The following FILIP1L variants were observed in gnomAD, a reference collection of about 807,000 sequenced individuals.
FILIP1L encodes the protein filamin A-interacting protein 1-like.
A neutral mutation model predicts 96.6 loss-of-function variants in FILIP1L; 55 were observed. The observed-to-expected ratio is 0.57, with a 90% CI of 0.46 to 0.71. The LOEUF (loss-of-function observed/expected upper bound fraction) is 0.71. FILIP1L is among the 30% of genes least tolerant of loss of function. The pLI, the probability that FILIP1L is intolerant of heterozygous loss-of-function variation, is 0.00. For synonymous variants in FILIP1L, 467 were observed against 473.9 expected, an observed-to-expected ratio of 0.99 and a Z score of 0.19; for missense variants, 1,304 against 1,321.2, an observed-to-expected ratio of 0.99 and a Z score of 0.20.
At chr3:100,090,748 C>T (rs144206994) in intron 1 of FILIP1L, among the ~76,000 whole-genome samples, 1 of 152,288 alleles carries the variant, frequency 6.6e-6, no homozygotes, top group African/African-American at 2.4e-5. Context: ...CAGAACTGCA[C>T]AACTTGTCTG....
Position 99,850,127 on chromosome 3 carries a change from TATC to T in FILIP1L, c.1546_1548del (p.Asp516del). On this transcript the variant is annotated inframe_deletion, in exon 5 of 6. Transcript: ENST00000477258. ...AGCTGAGAAGAAGCAGCTTGTAATT[TATC>T]TTCAGTTTTCTTTAATTTTTCACTC... 1.2e-6 allele frequency: 2 copies of T among 1,612,532 alleles called. No homozygotes were observed. The highest frequency in any genetic ancestry group is 8.5e-7 in the Non-Finnish European group (1 of 1,179,730).
At chr3:99,883,428 G>C (rs1426213455) in intron 4 of FILIP1L, among the ~76,000 whole-genome samples, 1 of 152,172 alleles carries the variant, frequency 6.6e-6, no homozygotes, top group African/African-American at 2.4e-5. Context: ...TGTCCAAAAG[G>C]TTGGTGCTTA....
At chr3:99,867,864 T>C (rs558552256) in intron 4 of FILIP1L, among the ~76,000 whole-genome samples, 41 of 152,312 alleles carry the variant, frequency 2.7e-4, no homozygotes, top group Non-Finnish European at 5.1e-4. Flanking sequence ...TTTGAGTCTG[T>C]TGTAGTTCAC....
At position 100,059,930 on chromosome 3, in the gene FILIP1L, T is replaced by A. The variant is rs192213548; in HGVS notation, c.-11+54123A>T. Among the ~76,000 whole-genome samples the A allele has an allele frequency of 2.6e-5, 4 of 151,964 alleles. No homozygotes were observed. In the East Asian group the frequency reaches 7.8e-4, roughly 29 times the overall value. On this transcript the variant is annotated intron_variant, in intron 1 of 5. Transcript: ENST00000477258. ...ACCTATGAGCCTCCAGTCTGGGGAG[T>A]TCTGGCCTCGTTAGTGAGGTAAATC... is the stretch of plus-strand genomic sequence containing the variant.
chr3:99,915,428 GA>G (rs1308289974), intron 4 of FILIP1L, among the ~76,000 whole-genome samples: 2 of 152,168 alleles, frequency 1.3e-5, no homozygotes, highest in African/African-American at 2.4e-5. Flanking sequence ...TAGACAAGAA[GA>G]TGCAATTAGT....
intron 4 of FILIP1L, among the ~76,000 whole-genome samples, chr3:99,866,295 G>C (rs576209074): frequency 1.3e-5 from 2 of 152,140 alleles, no homozygotes; most frequent in East Asian, 3.9e-4. Flanking sequence ...TAAGTTCACT[G>C]GTTTTCACCT....
intron 1 of FILIP1L, among the ~76,000 whole-genome samples, chr3:99,982,937 A>AATAC (rs529442008): frequency 1.0e-3 from 152 of 152,306 alleles, no homozygotes; most frequent in Non-Finnish European, 1.9e-3. Context: ...ACATCAAAGT[A>AATAC]ATACATACAG....
intron 4 of FILIP1L, among the ~76,000 whole-genome samples, chr3:99,869,018 TAGAG>T (rs1352459929): frequency 6.6e-6 from 1 of 152,170 alleles, no homozygotes; most frequent in Non-Finnish European, 1.5e-5. Context: ...GACCAAATGA[TAGAG>T]AGGTAAAAAG....
rs199608949 is a variant in FILIP1L at position 100,038,430 on chromosome 3, A to AT, written c.-11+75622dup. 3.1e-3 allele frequency among the ~76,000 whole-genome samples: 475 copies of AT among 152,150 alleles called. 3 individuals are homozygous for AT. The highest frequency in any genetic ancestry group is 0.025 in the East Asian group (132 of 5,182). On this transcript the variant is annotated intron_variant, in intron 1 of 5. Transcript: ENST00000477258. ...TAGCCAAATTATTTCTTTTTTCACC[A>AT]TTTTTTTGCTTATAGAGAATTCGAG...
chr3:99,874,280 G>A (rs894371891), intron 4 of FILIP1L: 5 of 152,156 alleles, frequency 3.3e-5, no homozygotes, highest in African/African-American at 1.2e-4. Flanking sequence ...ATGGTACTCT[G>A]GGTATACCTG....
At chr3:99,893,380 T>C (rs1320854581) in intron 4 of FILIP1L, among the ~76,000 whole-genome samples, 1 of 152,132 alleles carries the variant, frequency 6.6e-6, no homozygotes, top group Non-Finnish European at 1.5e-5. Flanking sequence ...TTAGCCAGAA[T>C]GGTCTCGATC....
At chr3:99,863,460 T>C (rs1302826056) in intron 4 of FILIP1L, among the ~76,000 whole-genome samples, 1 of 152,172 alleles carries the variant, frequency 6.6e-6, no homozygotes, top group Non-Finnish European at 1.5e-5. Context: ...ATTCCTGGGC[T>C]TGGTTTCCAT....
chr3:99,896,372 TCATTTTAAACAGTCTG>T (rs776598937), intron 4 of FILIP1L, among the ~76,000 whole-genome samples: 77 of 152,206 alleles, frequency 5.1e-4, no homozygotes, highest in Non-Finnish European at 1.0e-3. Flanking sequence ...AGAGGCTGTT[TCATTTTAAACAGTCTG>T]CATGCCCCAT....
At chr3:100,109,179 T>A (rs901301087) in intron 1 of FILIP1L, among the ~76,000 whole-genome samples, 2 of 152,208 alleles carry the variant, frequency 1.3e-5, no homozygotes, top group South Asian at 2.1e-4. Context: ...CTATTAATCA[T>A]TTTTTAAGGG....
intron 1 of FILIP1L, among the ~76,000 whole-genome samples, chr3:99,996,042 C>G (rs1344900222): frequency 6.6e-6 from 1 of 152,224 alleles, no homozygotes; most frequent in African/African-American, 2.4e-5. Flanking sequence ...TGAATTCCGC[C>G]TCAGAAAATG....
At chr3:100,068,400 C>A (rs1320936952) in intron 1 of FILIP1L, among the ~76,000 whole-genome samples, 1 of 151,180 alleles carries the variant, frequency 6.6e-6, no homozygotes, top group African/African-American at 2.4e-5. Flanking sequence ...GATATAGTAT[C>A]TTTTGACTCA....
intron 1 of FILIP1L, among the ~76,000 whole-genome samples, chr3:100,080,318 A>AG (rs1490960930): frequency 6.9e-6 from 1 of 144,684 alleles, no homozygotes; most frequent in Non-Finnish European, 1.6e-5. Context: ...CCTAGCTAAG[A>AG]GGGGGAAAAA....
chr3:100,011,453 G>A (rs1333081188), intron 1 of FILIP1L, among the ~76,000 whole-genome samples: 1 of 152,104 alleles, frequency 6.6e-6, no homozygotes, highest in African/African-American at 2.4e-5. Flanking sequence ...GGACTAGTTA[G>A]ATGCCATCTT....
chr3:99,993,708 T>C (rs1342032918), intron 1 of FILIP1L, among the ~76,000 whole-genome samples: 3 of 152,182 alleles, frequency 2.0e-5, no homozygotes, highest in Admixed American at 2.0e-4. Flanking sequence ...TTTTATCAAA[T>C]GCTTTTTCTG....
Sources: allele counts gnomAD v4.1 joint callset (sites outside exome capture counted in the v4.1 genomes callset), GRCh38; gene constraint gnomAD v4.1.1; transcripts MANE v1.5; gene names NCBI Gene and HGNC (gene_info 2026-07-23, HGNC 2026-07-21).